Variants in SCOC observed in about 807,000 individuals in gnomAD.
SCOC encodes short coiled coil protein.
Under a neutral mutation model 9.9 loss-of-function variants are expected in SCOC, and 7 were observed. The observed-to-expected ratio is 0.71, with a 90% CI of 0.40 to 1.33. SCOC has a LOEUF of 1.33. Among genes scored for constraint, SCOC ranks in the 40% most tolerant of loss-of-function variants. The probability of loss-of-function intolerance (pLI) is 0.01; values close to 1 mark genes in which losing one functional copy is unlikely to be tolerated. For synonymous variants in SCOC, 19 were observed against 28.2 expected (o/e 0.67, Z 1.03); for missense variants, 66 against 89.7 (o/e 0.74, Z 1.07).
At chr4:140,304,963 T>A (rs1346825543) in intron 1 of SCOC, among the ~76,000 whole-genome samples, 19 of 152,208 alleles carry the variant, frequency 1.2e-4, no homozygotes, top group Admixed American at 6.5e-4. Context: ...ACTGCTGTGC[T>A]ATTATAAGTA....
rs76151715 is a variant in SCOC, at chr4:140,302,310, G to T, written c.-18-41311G>T. Among the ~76,000 whole-genome samples, 1,373 of 152,048 alleles carry T rather than the reference G, an allele frequency of 9.0e-3. 7 individuals are homozygous for T. The highest frequency in any genetic ancestry group is 0.017 in the African/African-American group (724 of 41,446). Reference sequence around the variant, plus strand: ...GGGTCTTTGTCTTTTCATTCTGCCTGCGCTCAACAATGATTTATTGTTGAA... The same window carrying T: ...GGGTCTTTGTCTTTTCATTCTGCCTTCGCTCAACAATGATTTATTGTTGAA... On this transcript the variant is annotated intron_variant, in intron 1 of 4. Coordinates refer to the SCOC transcript ENST00000394205.
intron 1 of SCOC, among the ~76,000 whole-genome samples, chr4:140,275,923 A>G (rs949907610): frequency 6.7e-6 from 1 of 149,020 alleles, no homozygotes; most frequent in Admixed American, 6.9e-5. Flanking sequence ...TCCCAGGTTC[A>G]GACGATTCTT....
chr4:140,312,508 A>G lies in SCOC; in HGVS notation c.-18-31113A>G, dbSNP rs575522296. Among the ~76,000 whole-genome samples the G allele has an allele frequency of 9.9e-4, 151 of 152,246 alleles. 1 individual carries two copies. The highest frequency in any genetic ancestry group is 2.7e-3 in the Admixed American group (41 of 15,290). ...CAGTGGTGCCGTTATAGCTCACTGT[A>G]ACCTCGAACTCCTGGGCTCAAGTAA... On this transcript the variant is annotated intron_variant, in intron 1 of 4. Coordinates refer to the SCOC transcript ENST00000394205.
upstream of SCOC, among the ~76,000 whole-genome samples, chr4:140,369,881 T>G (rs1727973448): frequency 1.8e-5 from 2 of 112,686 alleles, no homozygotes; most frequent in South Asian, 6.2e-4. Flanking sequence ...TTTTTTTTTT[T>G]TTTTTTTTTT....
intron 1 of SCOC, chr4:140,374,212 G>A (rs1038659027): frequency 2.9e-5 from 13 of 455,572 alleles, no homozygotes; most frequent in African/African-American, 2.0e-4. Flanking sequence ...GGCGGCGAAA[G>A]CGGCACCTGG....
rs549237524 is a variant in SCOC at position 140,314,842 on chromosome 4, G to A, written c.-18-28779G>A. Reference sequence around the variant, plus strand: ...GGGTGCCACTGGGATCTGAGAGCCCGAACAGCTGTGAACTCCACCCCCCCA... The same window carrying A: ...GGGTGCCACTGGGATCTGAGAGCCCAAACAGCTGTGAACTCCACCCCCCCA... On this transcript the variant is annotated intron_variant, in intron 1 of 4. Coordinates refer to the SCOC transcript ENST00000394205. 1.3e-4 allele frequency among the ~76,000 whole-genome samples: 20 copies of A among 152,210 alleles called. No homozygotes were observed. The South Asian group carries it at 3.3e-3, about 25-fold the overall frequency.
At chr4:140,309,181 C>A (rs983321305) in intron 1 of SCOC, among the ~76,000 whole-genome samples, 1 of 152,180 alleles carries the variant, frequency 6.6e-6, no homozygotes, top group Non-Finnish European at 1.5e-5. Flanking sequence ...GAAACTGAGG[C>A]CAAGTAGGTG....
intron 1 of SCOC, among the ~76,000 whole-genome samples, chr4:140,274,576 C>T (rs966858177): frequency 1.2e-4 from 18 of 152,188 alleles, no homozygotes; most frequent in African/African-American, 3.4e-4. Context: ...GAACCTCTCC[C>T]TCCCTTCAGC....
At chr4:140,301,953 T>A (rs1308104560) in intron 1 of SCOC, among the ~76,000 whole-genome samples, 1 of 152,082 alleles carries the variant, frequency 6.6e-6, no homozygotes, top group Non-Finnish European at 1.5e-5. Flanking sequence ...CATCTTAGCC[T>A]CCCAAAAGTA....
chr4:140,259,611 A>AG (rs1249538428), intron 1 of SCOC, among the ~76,000 whole-genome samples: 1 of 152,202 alleles, frequency 6.6e-6, no homozygotes, highest in Non-Finnish European at 1.5e-5. Flanking sequence ...CAGGAGGCTG[A>AG]GGTGGGAGGA....
At chr4:140,277,147 A>G (rs895828668) in intron 1 of SCOC, among the ~76,000 whole-genome samples, 1 of 152,192 alleles carries the variant, frequency 6.6e-6, no homozygotes, top group African/African-American at 2.4e-5. Context: ...ACTAGATTTC[A>G]CTTCTCAGAG....
In SCOC at chr4:140,278,400, C is replaced by T. The variant is rs575189775; in HGVS notation, c.-19+20990C>T. On this transcript the variant is annotated intron_variant, in intron 1 of 4. Transcript: ENST00000394205. Reference sequence around the variant, plus strand: ...CTGCGAGCTCGGCCTCCTGGGTTCACGCCATTCTCCTGCCTCAGCCTCCTG... The same window carrying T: ...CTGCGAGCTCGGCCTCCTGGGTTCATGCCATTCTCCTGCCTCAGCCTCCTG... Among the ~76,000 whole-genome samples the T allele has an allele frequency of 1.1e-3, 162 of 151,974 alleles. 1 individual carries two copies. The highest frequency in any genetic ancestry group is 1.5e-3 in the Admixed American group (23 of 15,278).
intron 1 of SCOC, among the ~76,000 whole-genome samples, chr4:140,265,191 G>A (rs1730707851): frequency 6.6e-6 from 1 of 152,150 alleles, no homozygotes; most frequent in African/African-American, 2.4e-5. Context: ...TTAAAAAGGA[G>A]GTTTAGCTGT....
At chr4:140,374,801 A>G (rs555438450) in intron 1 of SCOC, among the ~76,000 whole-genome samples, 224 of 152,342 alleles carry the variant, frequency 1.5e-3, no homozygotes, top group African/African-American at 5.1e-3. Flanking sequence ...AATTCTTGGT[A>G]GAGACATTGG....
At chr4:140,291,294 G>A (rs1314273610) in intron 1 of SCOC, 4 of 385,182 alleles carry the variant, frequency 1.0e-5, no homozygotes, top group African/African-American at 2.1e-5. Context: ...TTTGTGATAG[G>A]GGCTGCAAGA....
At chr4:140,315,389 C>A (rs1016334270) in intron 1 of SCOC, among the ~76,000 whole-genome samples, 1 of 152,168 alleles carries the variant, frequency 6.6e-6, no homozygotes, top group African/African-American at 2.4e-5. Context: ...TGGGTATAAT[C>A]CTATTCCCTG....
chr4:140,295,119 C>G (rs1278149912), intron 1 of SCOC, among the ~76,000 whole-genome samples: 2 of 152,164 alleles, frequency 1.3e-5, no homozygotes, highest in African/African-American at 4.8e-5. Context: ...TTATCTGTGT[C>G]ATGGTTTTCT....
chr4:140,268,584 AC>A (rs1164881061), intron 1 of SCOC, among the ~76,000 whole-genome samples: 1 of 152,214 alleles, frequency 6.6e-6, no homozygotes, highest in Non-Finnish European at 1.5e-5. Context: ...GAGTAATGTA[AC>A]CAAAATAATC....
chr4:140,289,659 A>G (rs568402223), intron 1 of SCOC, among the ~76,000 whole-genome samples: 1 of 152,314 alleles, frequency 6.6e-6, no homozygotes, highest in Non-Finnish European at 1.5e-5. Context: ...CAAATGGTCC[A>G]TTGGGCTCCT....
Sources: gnomAD v4.1 joint callset for allele counts (sites outside exome capture counted in the v4.1 genomes callset) on GRCh38, gnomAD v4.1.1 for gene constraint, MANE v1.5 for transcripts, NCBI Gene and HGNC (gene_info 2026-07-23, HGNC 2026-07-21) for gene names.